CEP89: variants seen among roughly 807,000 people sequenced by gnomAD.
The protein encoded by CEP89 is centrosomal protein of 89 kDa.
A neutral mutation model predicts 97.6 loss-of-function variants in CEP89; 95 were observed. The ratio of observed to expected loss-of-function variants is 0.97; its 90% CI spans 0.82 to 1.15. The LOEUF (loss-of-function observed/expected upper bound fraction) is 1.15. CEP89 is among the 50% of genes most tolerant of loss of function. The pLI, the probability that CEP89 is intolerant of heterozygous loss-of-function variation, is 0.00. For missense variants in CEP89, 869 were observed against 947.7 expected, an observed-to-expected ratio of 0.92 and a Z score of 1.09; for synonymous variants, 354 against 349.1, an observed-to-expected ratio of 1.01 and a Z score of -0.16.
chr19:32,908,673 C>T lies in CEP89; in HGVS notation c.1565+6664G>A, dbSNP rs192958025. ...TTCGGAGGGCAAGGGAGCAGAAGTG[C>T]CCTCCGACAGCCTCCACTAGGGAGC... On this transcript the variant is annotated intron_variant, in intron 14 of 18. Coordinates refer to ENST00000305768, the MANE Select transcript of CEP89 (RefSeq NM_032816.5). 3.0e-3 allele frequency among the ~76,000 whole-genome samples: 455 copies of T among 152,314 alleles called. 1 individual carries two copies. Among genetic ancestry groups the T allele is most frequent in the Non-Finnish European group, 5.3e-3 (363 of 68,030 alleles).
intron 17 of CEP89, among the ~76,000 whole-genome samples, chr19:32,885,372 G>GA (rs1234521119): frequency 2.0e-5 from 3 of 152,236 alleles, no homozygotes; most frequent in African/African-American, 7.2e-5. Flanking sequence ...CCAGGCTAGA[G>GA]TGCAGAGGCA....
Position 32,915,427 on chromosome 19 carries a change from A to G in CEP89, c.1475T>C (p.Ile492Thr). 5.0e-6 allele frequency: 8 copies of G among 1,613,842 alleles called. No individual in the cohort carries two copies. The highest frequency in any genetic ancestry group is 6.8e-6 in the Non-Finnish European group (8 of 1,179,950). The change falls in exon 14 of 19, where the codon ATT becomes ACT. Residue 492 changes from isoleucine (I) to threonine (T), a missense_variant. Coordinates refer to ENST00000305768, the MANE Select transcript of CEP89 (RefSeq NM_032816.5). ...GAGTTCTTGGCATTTGGCACGTAAA[A>G]TCTCCAGCTGTTCCCTGTTCTCCGC... ...ELAENREQLE[I>T]LRAKCQELKT...
intron 17 of CEP89, among the ~76,000 whole-genome samples, chr19:32,885,088 G>T (rs1969366329): frequency 6.6e-6 from 1 of 152,040 alleles, no homozygotes; most frequent in African/African-American, 2.4e-5. Flanking sequence ...CAGCTTTAAT[G>T]ATATCCCTTG....
intron 9 of CEP89, 28 bp from the exon 10 acceptor site, chr19:32,927,012 A>G: frequency 6.3e-7 from 1 of 1,590,146 alleles, no homozygotes; most frequent in Non-Finnish European, 8.6e-7. Context: ...ATTGAAGACA[A>G]GTTAAACCAC....
intron 14 of CEP89, among the ~76,000 whole-genome samples, chr19:32,907,680 G>A (rs1969917672): frequency 6.6e-6 from 1 of 152,132 alleles, no homozygotes; most frequent in Admixed American, 6.5e-5. Flanking sequence ...TTGATCTCCT[G>A]ACCTCAAGTG....
Position 32,883,158 on chromosome 19 carries a change from G to A in CEP89, c.1966-1145C>T, listed in dbSNP as rs550376303. ...ATTACAGGCGTGAGACACCGCGCCC[G>A]GCCGAGCATTTCTAAAATTATTGTC... On this transcript the variant is annotated intron_variant, in intron 17 of 18. Coordinates refer to ENST00000305768, the MANE Select transcript of CEP89 (RefSeq NM_032816.5). Among the ~76,000 whole-genome samples, 44 of 150,932 alleles carry A rather than the reference G, an allele frequency of 2.9e-4. 1 individual carries two copies. The South Asian group carries it at 6.9e-3, about 24-fold the overall frequency.
At chr19:32,931,388 T>C in intron 9 of CEP89, 41 bp downstream of exon 9, 1 of 1,535,794 alleles carries the variant, frequency 6.5e-7, no homozygotes, top group Non-Finnish European at 8.7e-7. Flanking sequence ...AGTAAAGGCT[T>C]AAAAATCTGA....
intron 16 of CEP89, among the ~76,000 whole-genome samples, chr19:32,897,287 T>C (rs1281014347): frequency 6.6e-6 from 1 of 152,164 alleles, no homozygotes; most frequent in Non-Finnish European, 1.5e-5. Flanking sequence ...TCAGGAAAGG[T>C]ATATTTAACA....
At chr19:32,890,911 C>T (rs1969501585) in intron 16 of CEP89, among the ~76,000 whole-genome samples, 1 of 152,154 alleles carries the variant, frequency 6.6e-6, no homozygotes, top group African/African-American at 2.4e-5. Context: ...CCCTGGGACC[C>T]AGCAGCCCCT....
chr19:32,948,232 A>G, intron 5 of CEP89, 34 bp downstream of exon 5: 1 of 1,254,554 alleles, frequency 8.0e-7, no homozygotes, highest in Non-Finnish European at 1.1e-6. Context: ...AAATGTTCTT[A>G]TATTTTATAA....
chr19:32,939,782 G>T, intron 6 of CEP89, 75 bp downstream of exon 6: 1 of 724,228 alleles, frequency 1.4e-6, no homozygotes, highest in Non-Finnish European at 2.3e-6. Flanking sequence ...CACCAAAGTT[G>T]TTGAAAATTT....
rs778249949 is a variant in CEP89, at chr19:32,927,027, C to T, written c.1030-43G>A. On this transcript the variant is annotated intron_variant, in intron 9 of 18. Transcript: ENST00000305768. ...ATTGAAGACAAGTTAAACCACACTTCCTCTGAATTTTCAAGTCTTAGATAT... is the reference window on the plus strand; with the variant it reads ...ATTGAAGACAAGTTAAACCACACTTTCTCTGAATTTTCAAGTCTTAGATAT... The T allele has an allele frequency of 2.0e-6, 3 of 1,530,682 alleles. No homozygotes were observed. In the South Asian group the frequency reaches 3.4e-5, roughly 17 times the overall value. The allele number at this position is 1,530,682 out of a possible 1,614,324, so 94.8% of individuals were successfully genotyped here. A position where few individuals can be genotyped will look rare whatever the true frequency, so the allele number is the denominator to read the frequency against.
chr19:32,948,264 A>C lies in CEP89; in HGVS notation c.595+2T>G. 1 of 1,522,316 alleles carries C rather than the reference A, an allele frequency of 6.6e-7. No homozygotes were observed. The highest frequency in any genetic ancestry group is 8.9e-7 in the Non-Finnish European group (1 of 1,127,994). The allele number at this position is 1,522,316 out of a possible 1,614,324, so 94.3% of individuals were successfully genotyped here. A position where few individuals can be genotyped will look rare whatever the true frequency, so the allele number is the denominator to read the frequency against. ...ATAAAAATTGTGGTTTTTTTTTTCT[A>C]CCTTTTTGTTGTGTCCGCTGTGGTG... On this transcript the variant is annotated splice_donor_variant, in intron 5 of 18. Coordinates refer to ENST00000305768, the MANE Select transcript of CEP89 (RefSeq NM_032816.5). LOFTEE classifies it high-confidence loss of function.
At chr19:32,971,361 C>A (rs1486937082) in intron 1 of CEP89, 1 of 427,582 alleles carries the variant, frequency 2.3e-6, no homozygotes, top group East Asian at 3.4e-5. Context: ...GTGCTCCTGT[C>A]CAACTGTGGC....
chr19:32,944,232 A>C (rs1364121749), intron 5 of CEP89, among the ~76,000 whole-genome samples: 42 of 120,876 alleles, frequency 3.5e-4, no homozygotes, highest in Admixed American at 7.2e-4. Flanking sequence ...AAAAAAAAAA[A>C]AAAAAGACTC....
At chr19:32,971,812 C>A in intron 1 of CEP89, 24 bp downstream of exon 1, 1 of 1,586,008 alleles carries the variant, frequency 6.3e-7, no homozygotes. Flanking sequence ...GAGCCCCACG[C>A]GCGGCGGGCG....
chr19:32,969,504 C>G (rs974957546), intron 1 of CEP89: 5 of 152,314 alleles, frequency 3.3e-5, no homozygotes, highest in African/African-American at 1.2e-4. Flanking sequence ...GGCTCCGACT[C>G]CCCTCCAAGA....
At chr19:32,950,940 A>G (rs1239478148) in intron 4 of CEP89, among the ~76,000 whole-genome samples, 1 of 152,222 alleles carries the variant, frequency 6.6e-6, no homozygotes, top group East Asian at 1.9e-4. Context: ...TTTTCAGAAC[A>G]GGCAAAGCTA....
chr19:32,920,725 C>T (rs372656973), intron 12 of CEP89, among the ~76,000 whole-genome samples: 1 of 151,950 alleles, frequency 6.6e-6, no homozygotes, highest in Admixed American at 6.6e-5. Context: ...CTCAACTGAT[C>T]CTCCTGCCTC....
Sources: gnomAD v4.1 joint callset for allele counts (sites outside exome capture counted in the v4.1 genomes callset) on GRCh38, gnomAD v4.1.1 for gene constraint, MANE v1.5 for transcripts, NCBI Gene and HGNC (gene_info 2026-07-23, HGNC 2026-07-21) for gene names.